The following PTPN11 variants were observed in gnomAD, a reference collection of about 807,000 sequenced individuals.
The protein encoded by PTPN11 is protein tyrosine phosphatase non-receptor type 11.
A neutral mutation model predicts 78.8 loss-of-function variants in PTPN11; 6 were observed. The ratio of observed to expected loss-of-function variants is 0.08; its 90% CI spans 0.04 to 0.15. The LOEUF is 0.15. Among genes scored for constraint, PTPN11 ranks in the 10% least tolerant of loss-of-function variants. The probability of loss-of-function intolerance (pLI) is 1.00; values close to 1 mark genes in which losing one functional copy is unlikely to be tolerated. For missense variants in PTPN11, 386 were observed against 744.8 expected, an observed-to-expected ratio of 0.52 and a Z score of 5.61; for synonymous variants, 221 against 263.5, an observed-to-expected ratio of 0.84 and a Z score of 1.56.
intron 11 of PTPN11, chr12:112,486,994 G>A: frequency 1.9e-6 from 2 of 1,067,116 alleles, no homozygotes; most frequent in Non-Finnish European, 2.4e-6. Context: ...GTATTGAGGT[G>A]GTGGGGGTGT....
In PTPN11 at chr12:112,453,247, A is replaced by G. The variant is rs1401305712; in HGVS notation, c.385A>G (p.Lys129Glu). 1.2e-6 allele frequency: 2 copies of G among 1,613,134 alleles called. No homozygotes were observed. Among genetic ancestry groups the G allele is most frequent in the Non-Finnish European group, 1.7e-6 (2 of 1,180,018 alleles). Residue 129 changes from lysine (K) to glutamate (E), a missense_variant, in exon 4 of 16, where the codon AAA becomes GAA. Around this residue, in one of 3 missense-constraint regions of PTPN11, gnomAD observed 279 missense variants for 503.3 expected, o/e 0.55. Transcript: ENST00000351677. ...AGAAGCAGAGAAATTATTAACTGAA[A>G]AAGGAAAACATGGTAGTTTTCTTGT... ...GKEAEKLLTE[K>E]GKHGSFLVRE...
At chr12:112,424,270 G>A (rs1440406691) in intron 1 of PTPN11, among the ~76,000 whole-genome samples, 2 of 152,176 alleles carry the variant, frequency 1.3e-5, no homozygotes, top group African/African-American at 2.4e-5. Context: ...CTAGGAGAGA[G>A]CAAGTGTGGG....
At chr12:112,501,071 G>T (rs1374552476) in intron 13 of PTPN11, among the ~76,000 whole-genome samples, 1 of 152,088 alleles carries the variant, frequency 6.6e-6, no homozygotes, top group Non-Finnish European at 1.5e-5. Flanking sequence ...GGCCTGGCTT[G>T]TACATTAGTA....
chr12:112,432,713 C>T (rs530946937), intron 1 of PTPN11, among the ~76,000 whole-genome samples: 2 of 150,874 alleles, frequency 1.3e-5, no homozygotes, highest in South Asian at 4.2e-4. Context: ...GCCACAGTGG[C>T]TCACACCTGT....
intron 2 of PTPN11, among the ~76,000 whole-genome samples, chr12:112,446,919 G>A (rs2038001936): frequency 6.6e-6 from 1 of 151,826 alleles, no homozygotes. Context: ...AGGCTGGAGT[G>A]CAGTGGTACG....
Position 112,446,297 on chromosome 12 carries a change from T to C in PTPN11, c.36T>C (p.Thr12=), listed in dbSNP as rs760086740. Residue 12 remains threonine, a synonymous_variant, in exon 2 of 16, where the codon ACT becomes ACC. Coordinates refer to ENST00000351677, the MANE Select transcript of PTPN11 (RefSeq NM_002834.5). ...TAAGATGGTTTCACCCAAATATCAC[T>C]GGTGTGGAGGCAGAAAACCTACTGT... ...TSRRWFHPNI[T]GVEAENLLLT... 3 of 1,614,112 alleles carry C rather than the reference T, an allele frequency of 1.9e-6. No homozygotes were observed. The highest frequency in any genetic ancestry group is 1.1e-5 in the South Asian group (1 of 91,078).
chr12:112,429,947 G>C (rs1028305463), intron 1 of PTPN11, among the ~76,000 whole-genome samples: 2 of 152,308 alleles, frequency 1.3e-5, no homozygotes, highest in African/African-American at 2.4e-5. Flanking sequence ...TTGCACACAG[G>C]CATGTGGCAA....
chr12:112,454,687 AG>A lies in PTPN11; in HGVS notation c.642+8del. On this transcript the variant is annotated splice_region_variant and intron_variant, in intron 5 of 15. Transcript: ENST00000351677. ...AGTACTACAACTCAAGCAGGTGAGC[AG>A]ATTGGAAAGCTCAAGCTTTCTCCTT... is the stretch of plus-strand genomic sequence containing the variant. The A allele has an allele frequency of 6.3e-7, 1 of 1,590,050 alleles. No individual in the cohort carries two copies. The highest frequency in any genetic ancestry group is 1.1e-5 in the South Asian group (1 of 90,544).
chr12:112,419,201 G>T (rs2135817753), intron 1 of PTPN11, 76 bp downstream of exon 1: 2 of 1,342,182 alleles, frequency 1.5e-6, no homozygotes, highest in Middle Eastern at 2.7e-4. Context: ...TCCGGAAGGG[G>T]GCGCCCCGGC....
chr12:112,502,108 C>G (rs2038881079), intron 13 of PTPN11, 36 bp from the exon 14 acceptor site: 2 of 1,500,248 alleles, frequency 1.3e-6, no homozygotes, highest in Admixed American at 1.7e-5. Context: ...TTAAAATAAC[C>G]ATTGTCCCTC....
rs573622161 is a variant in PTPN11 at position 112,463,643 on chromosome 12, C to T, written c.756+7580C>T. 1.3e-3 allele frequency among the ~76,000 whole-genome samples: 194 copies of T among 152,214 alleles called. 3 individuals are homozygous for T. The Middle Eastern group carries it at 0.017, about 13-fold the overall frequency. ...CTGTCACATCTCAAATTGTGGTCATCTTTTATACATTATTAACAACAAAAG... is the reference window on the plus strand; with the variant it reads ...CTGTCACATCTCAAATTGTGGTCATTTTTTATACATTATTAACAACAAAAG... On this transcript the variant is annotated intron_variant, in intron 6 of 15. Transcript: ENST00000351677.
chr12:112,488,924 T>C, intron 12 of PTPN11, 100 bp from the exon 13 acceptor site: 1 of 1,495,102 alleles, frequency 6.7e-7, no homozygotes, highest in Non-Finnish European at 9.3e-7. Flanking sequence ...CAGCAAAGAC[T>C]AAATTAGCAT....
At chr12:112,488,816 C>A (rs1489164659) in intron 12 of PTPN11, among the ~76,000 whole-genome samples, 1 of 152,172 alleles carries the variant, frequency 6.6e-6, no homozygotes, top group Non-Finnish European at 1.5e-5. Flanking sequence ...GTGAGGGAAT[C>A]CTGACTTCTG....
At chr12:112,479,273 A>G (rs1306710629) in intron 9 of PTPN11, among the ~76,000 whole-genome samples, 2 of 152,040 alleles carry the variant, frequency 1.3e-5, no homozygotes, top group Non-Finnish European at 2.9e-5. Context: ...TTAAATATGG[A>G]AAAGTTCTGT....
chr12:112,462,141 G>A (rs1201844669), intron 6 of PTPN11, among the ~76,000 whole-genome samples: 1 of 152,134 alleles, frequency 6.6e-6, no homozygotes, highest in Non-Finnish European at 1.5e-5. Flanking sequence ...GAGGATCGCT[G>A]GACCTCAGGA....
At chr12:112,500,634 C>T (rs2038863777) in intron 13 of PTPN11, among the ~76,000 whole-genome samples, 1 of 152,166 alleles carries the variant, frequency 6.6e-6, no homozygotes, top group African/African-American at 2.4e-5. Context: ...CTCCATCACC[C>T]AGGCTGCAGT....
intron 6 of PTPN11, among the ~76,000 whole-genome samples, chr12:112,470,387 G>T (rs2038396602): frequency 1.3e-5 from 2 of 152,182 alleles, no homozygotes; most frequent in African/African-American, 4.8e-5. Context: ...CCCTCACCCC[G>T]CCCCTTTGGG....
At chr12:112,491,966 CA>C (rs1458583940) in intron 13 of PTPN11, among the ~76,000 whole-genome samples, 1 of 152,230 alleles carries the variant, frequency 6.6e-6, no homozygotes, top group East Asian at 1.9e-4. Context: ...CTTGGCCTCC[CA>C]AAGTGCTGGG....
intron 7 of PTPN11, among the ~76,000 whole-genome samples, chr12:112,476,291 G>A (rs1403297648): frequency 6.6e-6 from 1 of 152,154 alleles, no homozygotes; most frequent in Non-Finnish European, 1.5e-5. Flanking sequence ...CCTTAAAGAT[G>A]AGGAGTCTGA....
Sources: allele counts gnomAD v4.1 joint callset (sites outside exome capture counted in the v4.1 genomes callset), GRCh38; gene constraint gnomAD v4.1.1; regional missense constraint gnomAD v4.1.1; transcripts MANE v1.5; gene names NCBI Gene and HGNC (gene_info 2026-07-23, HGNC 2026-07-21).